Variants in ENOX1 observed in about 807,000 individuals in gnomAD.
ENOX1 encodes the protein candidate growth-related and time keeping constitutive hydroquinone (NADH) oxidase.
In ENOX1, 42 loss-of-function variants were observed where a neutral mutation model predicts 82.5. The observed-to-expected ratio is 0.51, with a 90% CI of 0.40 to 0.66. The LOEUF (loss-of-function observed/expected upper bound fraction) is 0.66, where lower values mean the gene tolerates loss of function less well. Among genes scored for constraint, ENOX1 ranks in the 30% least tolerant of loss-of-function variants. The pLI, the probability that ENOX1 is intolerant of heterozygous loss-of-function variation, is 0.00. For missense variants in ENOX1, 608 were observed against 811.6 expected (o/e 0.75, Z 3.05); for synonymous variants, 271 against 282.2 (o/e 0.96, Z 0.40).
intron 12 of ENOX1, among the ~76,000 whole-genome samples, chr13:43,281,151 T>G (rs1173675203): frequency 6.6e-6 from 1 of 152,160 alleles, no homozygotes; most frequent in African/African-American, 2.4e-5. Context: ...ACCTCTGAAC[T>G]ATCTCAGATT....
chr13:43,670,573 G>A (rs1450185948), intron 1 of ENOX1, among the ~76,000 whole-genome samples: 1 of 152,136 alleles, frequency 6.6e-6, no homozygotes, highest in Non-Finnish European at 1.5e-5. Context: ...GGAAAATAGG[G>A]CTGGGAGCGG....
intron 1 of ENOX1, among the ~76,000 whole-genome samples, chr13:43,766,998 T>C (rs1951316945): frequency 1.3e-5 from 2 of 152,008 alleles, no homozygotes; most frequent in Admixed American, 1.3e-4. Flanking sequence ...AATAACTCTC[T>C]AATCTGCATC....
intron 2 of ENOX1, among the ~76,000 whole-genome samples, chr13:43,510,030 T>C (rs1482504237): frequency 1.3e-5 from 2 of 152,030 alleles, no homozygotes; most frequent in African/African-American, 4.8e-5. Flanking sequence ...TGGAAGTCAT[T>C]GTGGAAAGGG....
At chr13:43,605,549 T>TA (rs1225790905) in intron 2 of ENOX1, among the ~76,000 whole-genome samples, 1 of 152,136 alleles carries the variant, frequency 6.6e-6, no homozygotes, top group Non-Finnish European at 1.5e-5. Flanking sequence ...GAACATACCT[T>TA]AGGGGAAAGT....
At chr13:43,282,479 G>T (rs1254217932) in intron 12 of ENOX1, among the ~76,000 whole-genome samples, 2 of 147,830 alleles carry the variant, frequency 1.4e-5, no homozygotes, top group Non-Finnish European at 3.0e-5. Flanking sequence ...ACAGGGTCTT[G>T]CTCTGTTGCC....
intron 2 of ENOX1, among the ~76,000 whole-genome samples, chr13:43,541,912 TTTC>T (rs1246011963): frequency 3.3e-5 from 5 of 152,174 alleles, no homozygotes; most frequent in Admixed American, 6.5e-5. Flanking sequence ...ACTGAACATT[TTTC>T]TTCTTTTTCT....
At chr13:43,323,112 T>C (rs186465700) in intron 10 of ENOX1, among the ~76,000 whole-genome samples, 5 of 152,336 alleles carry the variant, frequency 3.3e-5, no homozygotes, top group African/African-American at 1.2e-4. Flanking sequence ...ATAGTGCCCC[T>C]GCATGTGTGT....
chr13:43,413,452 G>T (rs1566156237), intron 3 of ENOX1, among the ~76,000 whole-genome samples: 1 of 152,010 alleles, frequency 6.6e-6, no homozygotes, highest in Non-Finnish European at 1.5e-5. Flanking sequence ...AAAAAAGTTG[G>T]GAGGAGGAAG....
Position 43,484,106 on chromosome 13 carries a change from A to G in ENOX1, c.-172T>C, listed in dbSNP as rs1566347595. ...GTCTTTTAAATGGATGCTCTTCACA[A>G]AGGAAGTCTCATGGAAGACAGCATG... On this transcript the variant is annotated 5_prime_UTR_variant, in exon 3 of 17. Transcript: ENST00000690772. The G allele has an allele frequency of 1.0e-6, 1 of 985,516 alleles. No homozygotes were observed. The highest frequency in any genetic ancestry group is 1.1e-4 in the East Asian group (1 of 8,946). 61.0% of individuals were successfully genotyped at this position (985,516 alleles called of 1,614,324 possible). A position where few individuals can be genotyped will look rare whatever the true frequency, so the allele number is the denominator to read the frequency against.
intron 1 of ENOX1, among the ~76,000 whole-genome samples, chr13:43,686,474 G>A (rs2086081647): frequency 6.6e-6 from 1 of 152,154 alleles, no homozygotes; most frequent in Admixed American, 6.5e-5. Flanking sequence ...ATAATACAGG[G>A]AAAGAACACA....
chr13:43,625,300 G>T (rs1037931563), intron 2 of ENOX1, among the ~76,000 whole-genome samples: 1 of 151,756 alleles, frequency 6.6e-6, no homozygotes. Context: ...CATGCCATCT[G>T]CAGATAAAAA....
chr13:43,450,294 G>A (rs1453095381), intron 3 of ENOX1, among the ~76,000 whole-genome samples: 4 of 152,158 alleles, frequency 2.6e-5, no homozygotes, highest in Non-Finnish European at 1.5e-5. Context: ...AAGGTGAAGT[G>A]GGGGGCAGCA....
intron 9 of ENOX1, among the ~76,000 whole-genome samples, chr13:43,328,011 T>C (rs2048210569): frequency 6.6e-6 from 1 of 152,248 alleles, no homozygotes; most frequent in African/African-American, 2.4e-5. Flanking sequence ...TGTCACATGA[T>C]GAATTTATTT....
intron 5 of ENOX1, among the ~76,000 whole-genome samples, chr13:43,376,549 A>G (rs1238292320): frequency 1.3e-5 from 2 of 152,252 alleles, no homozygotes; most frequent in African/African-American, 4.8e-5. Flanking sequence ...AGAGTAAATT[A>G]AAGTGACAAA....
chr13:43,485,678 A>C (rs1043384398), intron 2 of ENOX1, among the ~76,000 whole-genome samples: 1 of 152,256 alleles, frequency 6.6e-6, no homozygotes. Context: ...AAGAAAAAAG[A>C]CTTGAACCAA....
chr13:43,266,525 T>C (rs1358697426), intron 13 of ENOX1, among the ~76,000 whole-genome samples: 5 of 152,182 alleles, frequency 3.3e-5, no homozygotes, highest in South Asian at 2.1e-4. Context: ...TAGTTGATTA[T>C]GGACCAAAGG....
chr13:43,308,704 C>T (rs1416432988), intron 11 of ENOX1, among the ~76,000 whole-genome samples: 4 of 152,200 alleles, frequency 2.6e-5, no homozygotes, highest in Non-Finnish European at 5.9e-5. Context: ...GATGCCTGGG[C>T]ATTAACCTGC....
intron 8 of ENOX1, among the ~76,000 whole-genome samples, chr13:43,352,850 G>A (rs9594928): frequency 0.22 from 33,220 of 152,036 alleles, 4,057 homozygotes; most frequent in Admixed American, 0.37. Flanking sequence ...CTGCCCATCC[G>A]GGCTGGCTAT....
rs748507084 is a variant in ENOX1 at position 43,344,769 on chromosome 13, C to A, written c.824-19G>T. On this transcript the variant is annotated intron_variant, in intron 8 of 16. Transcript: ENST00000690772. ...CTATCATCTGGAAATGGAAAACCAC[C>A]AAGTACAAATCATGCCAAGATGAGA... 4.4e-6 allele frequency: 7 copies of A among 1,607,948 alleles called. No homozygotes were observed. Among genetic ancestry groups the A allele is most frequent in the Non-Finnish European group, 5.1e-6 (6 of 1,174,512 alleles).
Sources: gnomAD v4.1 joint callset for allele counts (sites outside exome capture counted in the v4.1 genomes callset) on GRCh38, gnomAD v4.1.1 for gene constraint, MANE v1.5 for transcripts, NCBI Gene and HGNC (gene_info 2026-07-23, HGNC 2026-07-21) for gene names.